ADGRL3: variants seen among roughly 807,000 people sequenced by gnomAD.
The protein encoded by ADGRL3 is calcium-independent alpha-latrotoxin receptor 3.
In ADGRL3, 62 loss-of-function variants were observed where a neutral mutation model predicts 153.5. The ratio of observed to expected loss-of-function variants is 0.40; its 90% confidence interval spans 0.33 to 0.50. ADGRL3 has a LOEUF of 0.50. Among genes scored for constraint, ADGRL3 ranks in the 20% least tolerant of loss-of-function variants. ADGRL3 has a pLI of 0.47. For synonymous variants in ADGRL3, 710 were observed against 672.5 expected (o/e 1.06, Z -0.86); for missense variants, 1,641 against 1,859.4 (o/e 0.88, Z 2.16).
chr4:62,034,310 C>G (rs1033312490), intron 23 of ADGRL3, among the ~76,000 whole-genome samples: 4 of 151,514 alleles, frequency 2.6e-5, no homozygotes, highest in African/African-American at 7.3e-5. Context: ...GCTCCTGAGT[C>G]AAAAAACTTA....
intron 1 of ADGRL3, among the ~76,000 whole-genome samples, chr4:61,316,394 G>A (rs1056704382): frequency 2.0e-5 from 3 of 152,130 alleles, no homozygotes; most frequent in African/African-American, 7.2e-5. Flanking sequence ...ATCCTAAGAC[G>A]TCAGAGCAAG....
chr4:61,972,285 T>G (rs961715426), intron 17 of ADGRL3, among the ~76,000 whole-genome samples: 1 of 152,188 alleles, frequency 6.6e-6, no homozygotes, highest in Non-Finnish European at 1.5e-5. Flanking sequence ...GTTTTTATGG[T>G]TTTAGGTCTA....
chr4:61,332,921 C>T (rs567478178), intron 1 of ADGRL3, among the ~76,000 whole-genome samples: 8 of 152,132 alleles, frequency 5.3e-5, no homozygotes, highest in Admixed American at 3.9e-4. Context: ...TGAAAGAATC[C>T]GTATTCTATT....
At chr4:61,770,684 G>A (rs1161745993) in intron 8 of ADGRL3, among the ~76,000 whole-genome samples, 1 of 152,122 alleles carries the variant, frequency 6.6e-6, no homozygotes, top group Non-Finnish European at 1.5e-5. Flanking sequence ...GTAAGACAAT[G>A]GTAGTTGTTT....
chr4:61,403,589 T>A (rs2096957050), intron 2 of ADGRL3, among the ~76,000 whole-genome samples: 2 of 152,090 alleles, frequency 1.3e-5, no homozygotes, highest in Admixed American at 1.3e-4. Context: ...GCTTTTATAA[T>A]AAACTGGTAA....
At chr4:61,474,836 A>G (rs1283136175) in intron 2 of ADGRL3, among the ~76,000 whole-genome samples, 2 of 152,108 alleles carry the variant, frequency 1.3e-5, no homozygotes, top group East Asian at 1.9e-4. Flanking sequence ...TTACCTATCT[A>G]TCCAAATGTA....
chr4:61,993,636 G>A (rs2099111592), intron 19 of ADGRL3, among the ~76,000 whole-genome samples: 1 of 151,674 alleles, frequency 6.6e-6, no homozygotes, highest in Non-Finnish European at 1.5e-5. Flanking sequence ...TACGATCTTT[G>A]TTCAGAACTT....
intron 1 of ADGRL3, among the ~76,000 whole-genome samples, chr4:61,381,032 C>T (rs2096661180): frequency 6.6e-6 from 1 of 151,858 alleles, no homozygotes; most frequent in South Asian, 2.1e-4. Flanking sequence ...CATTAGCAGG[C>T]TAAGTGGCTC....
intron 5 of ADGRL3, among the ~76,000 whole-genome samples, chr4:61,598,275 G>A (rs1218121805): frequency 1.3e-5 from 2 of 152,116 alleles, no homozygotes; most frequent in Middle Eastern, 3.2e-3. Context: ...GGATACTGGA[G>A]GGCAACATGA....
In ADGRL3 at chr4:62,070,946, C is replaced by T. The variant is rs1745482756; in HGVS notation, c.*38C>T. The T allele has an allele frequency of 2.0e-6, 3 of 1,475,384 alleles. No homozygotes were observed. The highest frequency in any genetic ancestry group is 1.4e-5 in the African/African-American group (1 of 71,072). The allele number at this position is 1,475,384 out of a possible 1,614,324, so 91.4% of individuals were successfully genotyped here. On this transcript the variant is annotated 3_prime_UTR_variant, in exon 27 of 27. Coordinates refer to ENST00000683033, the MANE Select transcript of ADGRL3 (RefSeq NM_001387552.1). ...AAATTGGAACCAACAAAACTGCTAA[C>T]ACCTTGTTGACTGTTCTGAGTTGAT...
chr4:61,822,576 T>C (rs2148745599), intron 9 of ADGRL3, among the ~76,000 whole-genome samples: 1 of 152,318 alleles, frequency 6.6e-6, no homozygotes, highest in Middle Eastern at 3.4e-3. Flanking sequence ...GTATGAGGGT[T>C]TTGCAAACCT....
chr4:61,767,301 C>G (rs557638092), intron 8 of ADGRL3, among the ~76,000 whole-genome samples: 1 of 150,894 alleles, frequency 6.6e-6, no homozygotes, highest in African/African-American at 2.5e-5. Flanking sequence ...GTGGGGACAA[C>G]TAAAAAGGAG....
At chr4:61,594,470 G>C (rs2098981289) in intron 5 of ADGRL3, among the ~76,000 whole-genome samples, 3 of 152,100 alleles carry the variant, frequency 2.0e-5, no homozygotes. Flanking sequence ...CAGGTATTTG[G>C]AGGGACTTGG....
chr4:61,610,662 C>T (rs1353680), intron 5 of ADGRL3, among the ~76,000 whole-genome samples: 152,140 of 152,322 alleles, frequency 1, 75,980 homozygotes, highest in Non-Finnish European at 1. Context: ...TGATTTTTAA[C>T]AAGACTGTAG....
intron 1 of ADGRL3, among the ~76,000 whole-genome samples, chr4:61,294,310 A>G (rs1454776795): frequency 6.6e-6 from 1 of 152,168 alleles, no homozygotes; most frequent in Non-Finnish European, 1.5e-5. Context: ...TCAATAAATT[A>G]CATAAGTATT....
intron 2 of ADGRL3, among the ~76,000 whole-genome samples, chr4:61,437,602 C>A (rs778781028): frequency 2.6e-5 from 4 of 152,170 alleles, no homozygotes; most frequent in Non-Finnish European, 4.4e-5. Context: ...CTGCCACTTT[C>A]AAGCTGCGTA....
Position 61,732,827 on chromosome 4 carries a change from G to A in ADGRL3, c.672G>A (p.Gly224=). Residue 224 remains glycine (G), a synonymous_variant, in exon 8 of 27, where the codon GGG becomes GGA. Transcript: ENST00000683033. The part of the protein sequence containing the change: ...EHLFESDHQS[G]AWCKDPLQAS... ...TGTTTGAGTCCGACCACCAATCTGG[G>A]GCGTGGTGCAAAGACCCTCTGCAGG... The A allele has an allele frequency of 6.2e-7, 1 of 1,611,186 alleles. No homozygotes were observed. The highest frequency in any genetic ancestry group is 1.3e-5 in the African/African-American group (1 of 74,930).
chr4:61,410,562 C>A (rs900162388), intron 2 of ADGRL3, among the ~76,000 whole-genome samples: 3 of 152,128 alleles, frequency 2.0e-5, no homozygotes, highest in African/African-American at 7.2e-5. Context: ...ATTAGCAGGA[C>A]CCAGTGCAAA....
At chr4:61,327,989 T>G (rs2095497828) in intron 1 of ADGRL3, among the ~76,000 whole-genome samples, 1 of 152,104 alleles carries the variant, frequency 6.6e-6, no homozygotes, top group Admixed American at 6.6e-5. Context: ...TGAGAAGGCA[T>G]TCAGTAAAAT....
Sources: gnomAD v4.1 joint callset for allele counts (sites outside exome capture counted in the v4.1 genomes callset) on GRCh38, gnomAD v4.1.1 for gene constraint, MANE v1.5 for transcripts, NCBI Gene and HGNC (gene_info 2026-07-23, HGNC 2026-07-21) for gene names.